Variants in OMA1 observed in about 807,000 individuals in gnomAD.
The protein encoded by OMA1 is metalloendopeptidase OMA1, mitochondrial.
In OMA1, 38 loss-of-function variants were observed where a neutral mutation model predicts 30.9. That is an observed-to-expected ratio of 1.23 (90% CI 0.95 to 1.61). The LOEUF (loss-of-function observed/expected upper bound fraction) is 1.61. OMA1 is among the 40% of genes most tolerant of loss of function. The probability of loss-of-function intolerance (pLI) is 0.00; values close to 1 mark genes in which losing one functional copy is unlikely to be tolerated. For missense variants in OMA1, 461 were observed against 349.2 expected, an observed-to-expected ratio of 1.32 and a Z score of -2.55; for synonymous variants, 173 against 121.9, an observed-to-expected ratio of 1.42 and a Z score of -2.76.
chr1:58,541,293 CAAAAAAAAAAAAAAAAAAAA>C (rs71043292), intron 1 of OMA1, among the ~76,000 whole-genome samples: 1,227 of 27,352 alleles, frequency 0.045, 5 homozygotes, highest in Non-Finnish European at 0.05. Flanking sequence ...GACTCTGTCT[CAAAAAAAAAAAAAAAAAAAA>C]AAAAAAAAAA....
chr1:58,496,664 T>C (rs56087605), intron 8 of OMA1, among the ~76,000 whole-genome samples: 22,934 of 152,148 alleles, frequency 0.15, 1,819 homozygotes, highest in Middle Eastern at 0.23. Context: ...AAGATTATCC[T>C]CATTTTTCCT....
At chr1:58,518,526 A>T (rs1646209179) in intron 7 of OMA1, among the ~76,000 whole-genome samples, 1 of 151,976 alleles carries the variant, frequency 6.6e-6, no homozygotes, top group Non-Finnish European at 1.5e-5. Flanking sequence ...TAGGTAAAAG[A>T]TGCTAGTACT....
chr1:58,493,871 C>G (rs9662224), intron 8 of OMA1, among the ~76,000 whole-genome samples: 8,099 of 151,292 alleles, frequency 0.054, 278 homozygotes, highest in African/African-American at 0.082. Context: ...CAATGCCATC[C>G]CCATCAAGCT....
intron 7 of OMA1, among the ~76,000 whole-genome samples, chr1:58,506,428 T>C (rs1645991657): frequency 6.6e-6 from 1 of 152,222 alleles, no homozygotes; most frequent in African/African-American, 2.4e-5. Context: ...CTAACAACTT[T>C]ATGTCACTAC....
intron 8 of OMA1, among the ~76,000 whole-genome samples, chr1:58,494,371 G>T (rs1054185080): frequency 4.6e-5 from 7 of 152,104 alleles, no homozygotes; most frequent in Non-Finnish European, 7.4e-5. Flanking sequence ...AGGACTTCAT[G>T]TCTAAAACAC....
At chr1:58,546,329 C>T (rs1056222407) in intron 1 of OMA1, among the ~76,000 whole-genome samples, 1 of 152,174 alleles carries the variant, frequency 6.6e-6, no homozygotes, top group African/African-American at 2.4e-5. Context: ...GGGTGAGAAA[C>T]CCTGCTCTGA....
intron 1 of OMA1, among the ~76,000 whole-genome samples, 159 bp from the exon 2 acceptor site, chr1:58,539,469 A>G (rs1216534549): frequency 3.3e-5 from 5 of 152,232 alleles, no homozygotes; most frequent in Non-Finnish European, 5.9e-5. Flanking sequence ...AACGCCTTTC[A>G]GCAAGATAAA....
chr1:58,541,292 TCAAAAAAAAAAAAAAAAAAA>T (rs1224143755), intron 1 of OMA1, among the ~76,000 whole-genome samples: 6 of 16,222 alleles, frequency 3.7e-4, no homozygotes, highest in Admixed American at 1.5e-3. Context: ...AGACTCTGTC[TCAAAAAAAAAAAAAAAAAAA>T]AAAAAAAAAA....
chr1:58,503,358 C>T (rs1236336071), intron 8 of OMA1, among the ~76,000 whole-genome samples: 2 of 152,126 alleles, frequency 1.3e-5, no homozygotes, highest in Non-Finnish European at 2.9e-5. Context: ...TACATAATGT[C>T]CCATGCCTAT....
At chr1:58,491,856 T>A (rs965984064) in intron 8 of OMA1, among the ~76,000 whole-genome samples, 1 of 152,110 alleles carries the variant, frequency 6.6e-6, no homozygotes, top group South Asian at 2.1e-4. Flanking sequence ...GACAGATCAA[T>A]GAGACAAAAA....
In OMA1 at chr1:58,539,242, C is replaced by T. The variant is rs369792266; in HGVS notation, c.53G>A (p.Arg18Gln). Residue 18 changes from arginine to glutamine, a missense_variant, in exon 2 of 9, where the codon CGA (arginine) becomes CAA (glutamine). Arg to Gln is a conservative substitution (Grantham distance 43). Transcript: ENST00000371226. ...TCTCCAGTTAGACAGTGAATTAAATCGGAAGAAAACATGGTTTCTAGCAGC... is the reference window on the plus strand; with the variant it reads ...TCTCCAGTTAGACAGTGAATTAAATTGGAAGAAAACATGGTTTCTAGCAGC... ...QSAARNHVFF[R>Q]FNSLSNWRKC... The T allele has an allele frequency of 3.9e-5, 34 of 870,126 alleles. No individual in the cohort carries two copies. The highest frequency in any genetic ancestry group is 1.3e-4 in the African/African-American group (8 of 61,160). 53.9% of individuals were successfully genotyped at this position (870,126 alleles called of 1,614,324 possible).
Position 58,524,245 on chromosome 1 carries a change from C to T in OMA1, c.1215+3016G>A, listed in dbSNP as rs115693799. On this transcript the variant is annotated intron_variant, in intron 7 of 8. Transcript: ENST00000371226. Reference sequence around the variant, plus strand: ...TTTCATCTGCATTAAAAACCTGTTCCGGCAGCTATTCTTTCTCCTTAACGA... The same window carrying T: ...TTTCATCTGCATTAAAAACCTGTTCTGGCAGCTATTCTTTCTCCTTAACGA... 1.1e-3 allele frequency among the ~76,000 whole-genome samples: 162 copies of T among 152,232 alleles called. 1 individual carries two copies. The highest frequency in any genetic ancestry group is 3.4e-3 in the African/African-American group (143 of 41,562).
intron 8 of OMA1, among the ~76,000 whole-genome samples, chr1:58,504,059 CCT>C (rs1645948894): frequency 6.6e-6 from 1 of 152,132 alleles, no homozygotes. Context: ...AAAAAGTCTC[CCT>C]GACTCCACCG....
At chr1:58,527,444 T>A in intron 6 of OMA1, 109 bp from the exon 7 acceptor site, 1 of 660,338 alleles carries the variant, frequency 1.5e-6, no homozygotes, top group Non-Finnish European at 2.7e-6. Context: ...TAGGATAAAA[T>A]TCCTATACTG....
rs151265456 is a variant in OMA1, at chr1:58,539,132, C to T, written c.163G>A (p.Val55Ile). The change falls in exon 2 of 9, where the codon GTA (valine) becomes ATA (isoleucine). Residue 55 changes from valine to isoleucine, a missense_variant. By Grantham distance (29) the Val-to-Ile change is conservative. Coordinates refer to ENST00000371226, the MANE Select transcript of OMA1 (RefSeq NM_145243.5). The part of the protein sequence containing the change: ...HIVNKYQGLG[V>I]NQCDRWSFLP... ...AAACTCCACCTGTCACACTGATTTA[C>T]TCCCAGTCCCTGATACTTATTTACT... 266 of 872,954 alleles carry T rather than the reference C, an allele frequency of 3.0e-4. No homozygotes were observed. The African/African-American group carries it at 4.0e-3, about 13-fold the overall frequency. 54.1% of individuals were successfully genotyped at this position (872,954 alleles called of 1,614,324 possible). A position where few individuals can be genotyped will look rare whatever the true frequency, so the allele number is the denominator to read the frequency against.
intron 1 of OMA1, among the ~76,000 whole-genome samples, chr1:58,543,685 T>G (rs773902642): frequency 2.0e-5 from 3 of 152,192 alleles, no homozygotes; most frequent in Non-Finnish European, 2.9e-5. Context: ...AAAAATGACA[T>G]GATGATCTGT....
chr1:58,534,982 C>A (rs919008662), intron 3 of OMA1, among the ~76,000 whole-genome samples: 2 of 152,134 alleles, frequency 1.3e-5, no homozygotes, highest in Non-Finnish European at 2.9e-5. Context: ...CTTAAGATTT[C>A]ATCTAAGTAA....
chr1:58,505,154 G>A (rs549187706), intron 8 of OMA1, among the ~76,000 whole-genome samples: 6 of 152,206 alleles, frequency 3.9e-5, no homozygotes, highest in East Asian at 1.9e-4. Flanking sequence ...GTTTCACCCC[G>A]TTGGCCAGGC....
rs530888552 is a variant in OMA1, at chr1:58,525,882, G to A, written c.1215+1379C>T. On this transcript the variant is annotated intron_variant, in intron 7 of 8. Coordinates refer to ENST00000371226, the MANE Select transcript of OMA1 (RefSeq NM_145243.5). ...AAACAAGCCAATGGAACAGAATAGT[G>A]TGTCTAGAAAGAGACCCCAGATATA... is the stretch of plus-strand genomic sequence containing the variant. 6.6e-5 allele frequency among the ~76,000 whole-genome samples: 10 copies of A among 152,102 alleles called. No individual in the cohort carries two copies. In the South Asian group the frequency reaches 1.9e-3, roughly 28 times the overall value.
Sources: gnomAD v4.1 joint callset for allele counts (sites outside exome capture counted in the v4.1 genomes callset) on GRCh38, gnomAD v4.1.1 for gene constraint, MANE v1.5 for transcripts, NCBI Gene and HGNC (gene_info 2026-07-23, HGNC 2026-07-21) for gene names.